BMP2K: variants seen among roughly 807,000 people sequenced by gnomAD.
BMP2K encodes the protein BMP-2-inducible protein kinase.
In BMP2K, 74 loss-of-function variants were observed where a neutral mutation model predicts 116.0. The observed-to-expected ratio is 0.64, with a 90% confidence interval of 0.53 to 0.77. The LOEUF (loss-of-function observed/expected upper bound fraction) is 0.77, where lower values mean the gene tolerates loss of function less well. Among genes scored for constraint, BMP2K ranks in the 30% least tolerant of loss-of-function variants. The pLI, the probability that BMP2K is intolerant of heterozygous loss-of-function variation, is 0.00. For missense variants in BMP2K, 1,365 were observed against 1,403.6 expected (o/e 0.97, Z 0.44); for synonymous variants, 486 against 502.5 (o/e 0.97, Z 0.44).
rs562312778 is a variant in BMP2K, at chr4:78,862,974, T to A, written c.1067+1506T>A. On this transcript the variant is annotated intron_variant, in intron 9 of 15. Transcript: ENST00000502613. ...GAATTTTATTGTGACTTCTGTTTTT[T>A]AAAATAATTAGTAAATAATTAAATC... 9.9e-5 allele frequency among the ~76,000 whole-genome samples: 15 copies of A among 152,220 alleles called. No individual in the cohort carries two copies. In the East Asian group the frequency reaches 2.7e-3, roughly 27 times the overall value.
intron 14 of BMP2K, chr4:78,879,275 TATTG>T: frequency 1.0e-6 from 1 of 1,003,700 alleles, no homozygotes; most frequent in Non-Finnish European, 1.2e-6. Flanking sequence ...CAATAGAAAA[TATTG>T]TGGGTCTGAG....
chr4:78,814,522 A>C (rs1729237977), intron 1 of BMP2K, among the ~76,000 whole-genome samples: 1 of 152,138 alleles, frequency 6.6e-6, no homozygotes, highest in Non-Finnish European at 1.5e-5. Flanking sequence ...CATGATAGTG[A>C]GTGAGTTCTC....
At chr4:78,809,966 T>C (rs1244075999) in intron 1 of BMP2K, among the ~76,000 whole-genome samples, 1 of 152,232 alleles carries the variant, frequency 6.6e-6, no homozygotes, top group East Asian at 1.9e-4. Flanking sequence ...GAAATAATTG[T>C]AATGTGGCAA....
intron 3 of BMP2K, among the ~76,000 whole-genome samples, chr4:78,834,484 A>ATC (rs1730366484): frequency 6.6e-6 from 1 of 151,990 alleles, no homozygotes; most frequent in Non-Finnish European, 1.5e-5. Flanking sequence ...GATGGTCTCG[A>ATC]TCTCCTGACC....
Position 78,878,720 on chromosome 4 carries a change from AATT to A in BMP2K, c.1794-9_1794-7del. ...CTTTCCATCTTCTTTTTTCTTACTC[AATT>A]ATTACTATAGGTCAGTTGCTGATAA... On this transcript the variant is annotated splice_polypyrimidine_tract_variant and intron_variant, in intron 13 of 15. Coordinates refer to ENST00000502613, the MANE Select transcript of BMP2K (RefSeq NM_198892.2). The A allele has an allele frequency of 6.4e-7, 1 of 1,566,510 alleles. No individual in the cohort carries two copies. The highest frequency in any genetic ancestry group is 2.1e-5 in the Admixed American group (1 of 48,634).
chr4:78,852,946 T>A (rs1731329355), intron 7 of BMP2K, among the ~76,000 whole-genome samples: 1 of 152,184 alleles, frequency 6.6e-6, no homozygotes, highest in African/African-American at 2.4e-5. Context: ...GCCTTTTGTG[T>A]CTTTTGCCAT....
Position 78,851,047 on chromosome 4 carries a change from T to G in BMP2K, c.874T>G (p.Cys292Gly), listed in dbSNP as rs938291716. 3.1e-6 allele frequency: 5 copies of G among 1,609,432 alleles called. No individual in the cohort carries two copies. The highest frequency in any genetic ancestry group is 4.2e-6 in the Non-Finnish European group (5 of 1,177,518). ...DNSRYSRNIH[C>G]LIRFMLEPDP... ...TTCTCGTTACTCCCGTAACATACAT[T>G]GCTTAATAAGTAAGTATTTGGGAAA... Residue 292 changes from cysteine (C) to glycine (G), a missense_variant, in exon 7 of 16, where the codon TGC (cysteine) becomes GGC (glycine). Cys to Gly is a radical substitution (Grantham distance 159, BLOSUM62 -3). Around this residue, in one of 3 missense-constraint regions of BMP2K, gnomAD observed 762 missense variants for 756.7 expected, o/e 1.01. Transcript: ENST00000502613.
At chr4:78,814,654 G>A (rs1032291138) in intron 1 of BMP2K, among the ~76,000 whole-genome samples, 3 of 151,922 alleles carry the variant, frequency 2.0e-5, no homozygotes, top group South Asian at 2.1e-4. Context: ...GTTTCCTGAG[G>A]CCTCTCCAGC....
intron 1 of BMP2K, among the ~76,000 whole-genome samples, chr4:78,809,687 T>G (rs1356627537): frequency 8.0e-6 from 1 of 125,608 alleles, no homozygotes; most frequent in African/African-American, 4.0e-5. Context: ...GTTTAAAGTG[T>G]TTTTTTTTTT....
chr4:78,841,210 G>C (rs1730743293), intron 3 of BMP2K, among the ~76,000 whole-genome samples: 1 of 152,156 alleles, frequency 6.6e-6, no homozygotes, highest in Non-Finnish European at 1.5e-5. Flanking sequence ...AAGTTTATAT[G>C]TACCTTCTCA....
intron 14 of BMP2K, chr4:78,879,999 A>G (rs1478767467): frequency 1.3e-5 from 2 of 152,200 alleles, no homozygotes. Context: ...TTTTTTTTTA[A>G]ACCACGGCTT....
Position 78,842,482 on chromosome 4 carries a change from A to T in BMP2K, c.501A>T (p.Ala167=). Residue 167 remains alanine (A), a synonymous_variant, in exon 4 of 16, where the codon GCA becomes GCT. Coordinates refer to ENST00000502613, the MANE Select transcript of BMP2K (RefSeq NM_198892.2). ...TCTGTGATACCTGTGAAGCTGTTGC[A>T]AGGTTGCATCAGTGTAAGACTCCAA... ...QIFCDTCEAV[A]RLHQCKTPII... is the part of the protein sequence containing the mutation. 6.2e-7 allele frequency: 1 copy of T among 1,608,054 alleles called. No individual in the cohort carries two copies. The highest frequency in any genetic ancestry group is 2.2e-5 in the East Asian group (1 of 44,810).
Position 78,912,129 on chromosome 4 carries a change from T to TAC in BMP2K, c.*96_*97insAC, listed in dbSNP as rs755436353. The TAC allele has an allele frequency of 0.043, 47,221 of 1,107,650 alleles. 2,116 individuals are homozygous for TAC. Among genetic ancestry groups the TAC allele is most frequent in the East Asian group, 0.23 (9,767 of 42,084 alleles). The allele number at this position is 1,107,650 out of a possible 1,614,324, so 68.6% of individuals were successfully genotyped here. A position where few individuals can be genotyped will look rare whatever the true frequency, so the allele number is the denominator to read the frequency against. ...AAAATTTGGTAGCTCTTTATAGCATTCATTCTTAAAGATCAGTCAGAATAG... is the reference window on the plus strand; with the variant it reads ...AAAATTTGGTAGCTCTTTATAGCATTACCATTCTTAAAGATCAGTCAGAATAG... On this transcript the variant is annotated 3_prime_UTR_variant, in exon 16 of 16. Coordinates refer to ENST00000502613, the MANE Select transcript of BMP2K (RefSeq NM_198892.2).
At chr4:78,868,103 T>C (rs1024234263) in intron 10 of BMP2K, among the ~76,000 whole-genome samples, 3 of 152,256 alleles carry the variant, frequency 2.0e-5, no homozygotes, top group South Asian at 4.1e-4. Flanking sequence ...AGTCATACTA[T>C]ACATACGTAT....
chr4:78,796,809 AAG>A (rs770664586), intron 1 of BMP2K, among the ~76,000 whole-genome samples: 17 of 152,334 alleles, frequency 1.1e-4, no homozygotes, highest in Non-Finnish European at 1.9e-4. Context: ...AAAATGGAGA[AAG>A]AGTAATATTA....
chr4:78,892,274 G>A (rs973250286), intron 15 of BMP2K, among the ~76,000 whole-genome samples: 1 of 151,952 alleles, frequency 6.6e-6, no homozygotes, highest in Non-Finnish European at 1.5e-5. Flanking sequence ...TTATAGGGCC[G>A]TTTAGATGTT....
In BMP2K at chr4:78,866,358, A is replaced by G. The variant is rs146073892; in HGVS notation, c.1231+638A>G. Among the ~76,000 whole-genome samples the G allele has an allele frequency of 2.0e-5, 3 of 152,264 alleles. No homozygotes were observed. In the East Asian group the frequency reaches 5.8e-4, roughly 29 times the overall value. ...GAAATCCTGTTTTGCACTTTATTTC[A>G]TGATAAATCTGTCGTGTTTTAATGT... On this transcript the variant is annotated intron_variant, in intron 10 of 15. Coordinates refer to ENST00000502613, the MANE Select transcript of BMP2K (RefSeq NM_198892.2).
chr4:78,889,323 A>C (rs1282999924), intron 15 of BMP2K, among the ~76,000 whole-genome samples: 1 of 152,120 alleles, frequency 6.6e-6, no homozygotes, highest in Non-Finnish European at 1.5e-5. Flanking sequence ...TTGGTTATGA[A>C]AAAAGTATAT....
At chr4:78,888,761 A>AT (rs370201314) in intron 15 of BMP2K, among the ~76,000 whole-genome samples, 18 of 152,274 alleles carry the variant, frequency 1.2e-4, no homozygotes, top group African/African-American at 4.3e-4. Context: ...TTTATATTAG[A>AT]TTTTAAGCTA....
Sources: allele counts gnomAD v4.1 joint callset (sites outside exome capture counted in the v4.1 genomes callset), GRCh38; gene constraint gnomAD v4.1.1; regional missense constraint gnomAD v4.1.1; transcripts MANE v1.5; gene names NCBI Gene and HGNC (gene_info 2026-07-23, HGNC 2026-07-21).